Variants in ME1 observed in about 807,000 individuals in gnomAD.
ME1 encodes the protein NADP-dependent malic enzyme.
A neutral mutation model predicts 66.4 loss-of-function variants in ME1; 74 were observed. That is an observed-to-expected ratio of 1.11 (90% CI 0.92 to 1.35). ME1 has a LOEUF of 1.35. Among genes scored for constraint, ME1 ranks in the 40% most tolerant of loss-of-function variants. The probability of loss-of-function intolerance (pLI) is 0.00; values close to 1 mark genes in which losing one functional copy is unlikely to be tolerated. For synonymous variants in ME1, 251 were observed against 235.6 expected (o/e 1.07, Z -0.60); for missense variants, 750 against 694.1 (o/e 1.08, Z -0.90).
At chr6:83,324,599 A>C (rs1768247234) in intron 5 of ME1, among the ~76,000 whole-genome samples, 1 of 151,814 alleles carries the variant, frequency 6.6e-6, no homozygotes. Flanking sequence ...ATCTAGAAGA[A>C]ATGGATAAAT....
intron 7 of ME1, among the ~76,000 whole-genome samples, chr6:83,251,913 A>C (rs1790731572): frequency 6.6e-6 from 1 of 152,234 alleles, no homozygotes; most frequent in Admixed American, 6.5e-5. Flanking sequence ...TCTGTTCACC[A>C]CAAAAGCCTG....
chr6:83,274,193 A>G (rs1038755952), intron 6 of ME1, among the ~76,000 whole-genome samples: 1 of 152,186 alleles, frequency 6.6e-6, no homozygotes, highest in African/African-American at 2.4e-5. Flanking sequence ...TACTATATTG[A>G]TAAGTGTTCA....
At chr6:83,281,700 G>A (rs1767291082) in intron 6 of ME1, among the ~76,000 whole-genome samples, 1 of 150,416 alleles carries the variant, frequency 6.6e-6, no homozygotes, top group African/African-American at 2.4e-5. Flanking sequence ...CAGCTACTCG[G>A]GAGGCTGAGG....
intron 6 of ME1, among the ~76,000 whole-genome samples, chr6:83,301,761 C>A (rs1219182967): frequency 6.6e-6 from 1 of 152,148 alleles, no homozygotes; most frequent in Non-Finnish European, 1.5e-5. Context: ...CATCTCACAC[C>A]AGTCAGAATG....
intron 6 of ME1, among the ~76,000 whole-genome samples, chr6:83,274,676 T>C (rs1420177099): frequency 6.6e-6 from 1 of 152,156 alleles, no homozygotes; most frequent in African/African-American, 2.4e-5. Context: ...AAGACATATA[T>C]TGGGACTTAA....
rs1770393549 is a variant in ME1, at chr6:83,427,397, G to A, written c.78+3480C>T. ...TACCAAGATGAAGCACCTCCCTTAG[G>A]TTATCCAGCAAGTAATTAAAATTTC... On this transcript the variant is annotated intron_variant, in intron 1 of 13. Transcript: ENST00000369705. 2.0e-5 allele frequency among the ~76,000 whole-genome samples: 3 copies of A among 152,018 alleles called. No individual in the cohort carries two copies. In the South Asian group the frequency reaches 6.2e-4, roughly 31 times the overall value.
chr6:83,256,445 C>T (rs1362461839), intron 6 of ME1, among the ~76,000 whole-genome samples: 4 of 152,104 alleles, frequency 2.6e-5, no homozygotes, highest in Admixed American at 1.3e-4. Flanking sequence ...AAAAAAAGCT[C>T]ATCATCACTG....
chr6:83,246,921 C>CT lies in ME1; in HGVS notation c.814+6707dup, dbSNP rs539878541. Among the ~76,000 whole-genome samples, 48 of 152,222 alleles carry CT rather than the reference C, an allele frequency of 3.2e-4. 1 individual carries two copies. In the South Asian group the frequency reaches 7.0e-3, roughly 22 times the overall value. ...CTTGATAGAGAAAATCAGTTTCTCA[C>CT]TTGCTGTTTAATAAATTTTTAAAAA... On this transcript the variant is annotated intron_variant, in intron 7 of 13. Coordinates refer to ENST00000369705, the MANE Select transcript of ME1 (RefSeq NM_002395.6).
At chr6:83,301,690 G>A (rs1360926212) in intron 6 of ME1, among the ~76,000 whole-genome samples, 1 of 151,996 alleles carries the variant, frequency 6.6e-6, no homozygotes, top group Non-Finnish European at 1.5e-5. Context: ...ACAAACATAT[G>A]AAAAAAGTTC....
At chr6:83,345,791 C>T (rs918151803) in intron 5 of ME1, among the ~76,000 whole-genome samples, 3 of 152,068 alleles carry the variant, frequency 2.0e-5, no homozygotes, top group Non-Finnish European at 2.9e-5. Flanking sequence ...ATTTTAGGTT[C>T]AATATGGTTT....
chr6:83,264,444 T>C (rs1482745798), intron 6 of ME1, among the ~76,000 whole-genome samples: 4 of 152,156 alleles, frequency 2.6e-5, no homozygotes, highest in Non-Finnish European at 4.4e-5. Context: ...AAAATGCACT[T>C]CCTAAAGTTA....
chr6:83,380,331 T>C (rs1327647671), intron 3 of ME1, among the ~76,000 whole-genome samples: 1 of 152,108 alleles, frequency 6.6e-6, no homozygotes, highest in Non-Finnish European at 1.5e-5. Context: ...AATATCATGC[T>C]AAAGAGTTTG....
At chr6:83,407,179 T>G (rs1033758290) in intron 2 of ME1, among the ~76,000 whole-genome samples, 3 of 152,182 alleles carry the variant, frequency 2.0e-5, no homozygotes, top group African/African-American at 7.2e-5. Flanking sequence ...CTTAGTACCT[T>G]AGTAAGAAAG....
chr6:83,426,028 A>C (rs1400920015), intron 1 of ME1, among the ~76,000 whole-genome samples: 2 of 152,154 alleles, frequency 1.3e-5, no homozygotes, highest in Non-Finnish European at 2.9e-5. Flanking sequence ...TTATAAAAGC[A>C]AGTTCAGCCC....
In ME1 at chr6:83,346,181, C is replaced by T. The variant is rs1024613609; in HGVS notation, c.592G>A (p.Glu198Lys). Residue 198 changes from glutamate (E) to lysine (K), a missense_variant, in exon 5 of 14, where the codon GAA becomes AAA. Coordinates refer to ENST00000369705, the MANE Select transcript of ME1 (RefSeq NM_002395.6). Reference sequence around the variant, plus strand: ...AGACGTAAATTATTTACCTCATTTTCGGTTCCCACATCCAGAATGACAGGC... The same window carrying T: ...AGACGTAAATTATTTACCTCATTTTTGGTTCCCACATCCAGAATGACAGGC... The part of the protein sequence containing the change: ...CLPVILDVGT[E>K]NEELLKDPLY... The T allele has an allele frequency of 1.2e-5, 19 of 1,604,710 alleles. No homozygotes were observed. The highest frequency in any genetic ancestry group is 2.2e-5 in the East Asian group (1 of 44,566).
chr6:83,413,235 C>A (rs1364682719), intron 1 of ME1, among the ~76,000 whole-genome samples: 1 of 152,144 alleles, frequency 6.6e-6, no homozygotes, highest in Non-Finnish European at 1.5e-5. Flanking sequence ...TAGGCTTGAA[C>A]TCCTGAGCTC....
chr6:83,352,089 T>C lies in ME1; in HGVS notation c.413A>G (p.Asn138Ser), dbSNP rs1480277566. Reference sequence around the variant, plus strand: ...CTTGATGACATCTTCTGGCCATGCATTGAGAACTGAAGCAATATGCCCTCG... The same window carrying C: ...CTTGATGACATCTTCTGGCCATGCACTGAGAACTGAAGCAATATGCCCTCG... ...HDRGHIASVL[N>S]AWPEDVIKAI... Residue 138 changes from asparagine (N) to serine (S), a missense_variant, in exon 4 of 14, where the codon AAT (asparagine) becomes AGT (serine). By Grantham distance (46) the Asn-to-Ser change is conservative. Transcript: ENST00000369705. 7.5e-6 allele frequency: 12 copies of C among 1,602,496 alleles called. No homozygotes were observed. The highest frequency in any genetic ancestry group is 8.5e-6 in the Non-Finnish European group (10 of 1,175,078).
At chr6:83,339,984 AAAG>A (rs1432307573) in intron 5 of ME1, among the ~76,000 whole-genome samples, 1 of 150,274 alleles carries the variant, frequency 6.7e-6, no homozygotes, top group African/African-American at 2.5e-5. Flanking sequence ...AAAAAAAAGA[AAAG>A]AAAAGAAATG....
chr6:83,349,035 T>C (rs909446537), intron 4 of ME1, among the ~76,000 whole-genome samples: 1 of 150,678 alleles, frequency 6.6e-6, no homozygotes, highest in African/African-American at 2.4e-5. Flanking sequence ...CTTTCTTATT[T>C]CTTCATAACT....
Sources: allele counts gnomAD v4.1 joint callset (sites outside exome capture counted in the v4.1 genomes callset), GRCh38; gene constraint gnomAD v4.1.1; transcripts MANE v1.5; gene names NCBI Gene and HGNC (gene_info 2026-07-23, HGNC 2026-07-21).